Variants in MSRA observed in about 807,000 individuals in gnomAD.
The protein encoded by MSRA is mitochondrial peptide methionine sulfoxide reductase.
MSRA carries 54 observed loss-of-function variants against 31.3 expected under a neutral mutation model. The ratio of observed to expected loss-of-function variants is 1.73; its 90% CI spans 1.39 to 2.17. MSRA has a LOEUF of 2.17. Among genes scored for constraint, MSRA ranks in the 30% most tolerant of loss-of-function variants. MSRA has a pLI of 0.00. For synonymous variants in MSRA, 169 were observed against 116.5 expected (o/e 1.45, Z -2.90); for missense variants, 507 against 300.9 (o/e 1.69, Z -5.07).
At chr8:10,215,084 C>T (rs924180448) in intron 2 of MSRA, among the ~76,000 whole-genome samples, 1 of 152,108 alleles carries the variant, frequency 6.6e-6, no homozygotes, top group Admixed American at 6.5e-5. Context: ...TGGAGGATGG[C>T]ACAGAATCCA....
At chr8:10,099,933 C>T (rs1799423560) in intron 1 of MSRA, among the ~76,000 whole-genome samples, 3 of 152,146 alleles carry the variant, frequency 2.0e-5, no homozygotes, top group South Asian at 4.1e-4. Flanking sequence ...ATGCAGCAGG[C>T]CAGTGGAGTG....
At chr8:10,366,958 A>G (rs1585597888) in intron 5 of MSRA, among the ~76,000 whole-genome samples, 1 of 152,240 alleles carries the variant, frequency 6.6e-6, no homozygotes. Context: ...ATAATTAAGT[A>G]GTCTCCCCTT....
At chr8:10,080,504 T>G (rs1385252223) in intron 1 of MSRA, among the ~76,000 whole-genome samples, 1 of 152,022 alleles carries the variant, frequency 6.6e-6, no homozygotes, top group Non-Finnish European at 1.5e-5. Context: ...CAGTTCTGTG[T>G]CAGCCTGCAG....
chr8:10,124,663 G>C (rs982866891), intron 1 of MSRA, among the ~76,000 whole-genome samples: 3 of 152,186 alleles, frequency 2.0e-5, no homozygotes, highest in African/African-American at 7.2e-5. Flanking sequence ...TGCAATTATA[G>C]TATGCCTTGC....
At chr8:10,290,946 G>A (rs1173058522) in intron 3 of MSRA, among the ~76,000 whole-genome samples, 1 of 152,124 alleles carries the variant, frequency 6.6e-6, no homozygotes, top group African/African-American at 2.4e-5. Flanking sequence ...TAGAAAATGG[G>A]CACAGGTCCT....
At position 10,187,742 on chromosome 8, in the gene MSRA, G is replaced by T. The variant is rs540016683; in HGVS notation, c.143-20091G>T. Among the ~76,000 whole-genome samples, 3 of 152,280 alleles carry T rather than the reference G, an allele frequency of 2.0e-5. No homozygotes were observed. In the East Asian group the frequency reaches 5.8e-4, roughly 29 times the overall value. ...ATTAATCCTAGAAGGTCCTTTAAGT[G>T]TATTTGATAAACATCATGTTACCTG... On this transcript the variant is annotated intron_variant, in intron 1 of 5. Coordinates refer to ENST00000317173, the MANE Select transcript of MSRA (RefSeq NM_012331.5).
chr8:10,319,301 C>G (rs574946857), intron 4 of MSRA, among the ~76,000 whole-genome samples: 14 of 152,238 alleles, frequency 9.2e-5, no homozygotes, highest in African/African-American at 3.4e-4. Context: ...CTGTCACACT[C>G]AGATAGAAAC....
At chr8:10,286,225 A>T (rs1002528738) in intron 3 of MSRA, among the ~76,000 whole-genome samples, 1 of 152,126 alleles carries the variant, frequency 6.6e-6, no homozygotes, top group Non-Finnish European at 1.5e-5. Flanking sequence ...CCGTTTTTCA[A>T]CATTGATATG....
At chr8:10,335,194 G>A (rs570047272) in intron 5 of MSRA, among the ~76,000 whole-genome samples, 3 of 151,070 alleles carry the variant, frequency 2.0e-5, no homozygotes, top group Admixed American at 1.3e-4. Flanking sequence ...ACAAAAGCAA[G>A]GCTCATAAGG....
chr8:10,301,456 G>T lies in MSRA; in HGVS notation c.332-78G>T, dbSNP rs1585407450. The T allele has an allele frequency of 8.9e-6, 10 of 1,128,108 alleles. No homozygotes were observed. The East Asian group carries it at 1.9e-4, about 21-fold the overall frequency. The allele number at this position is 1,128,108 out of a possible 1,614,324, so 69.9% of individuals were successfully genotyped here. On this transcript the variant is annotated intron_variant, in intron 3 of 5. Transcript: ENST00000317173. Reference sequence around the variant, plus strand: ...GGTAGAGTTTCAGCTTTTGTCTGTTGTTTTTTTTGTGAACAAAAAACTTGC... The same window carrying T: ...GGTAGAGTTTCAGCTTTTGTCTGTTTTTTTTTTTGTGAACAAAAAACTTGC...
chr8:10,183,803 T>C (rs2129050892), intron 1 of MSRA, among the ~76,000 whole-genome samples: 1 of 150,912 alleles, frequency 6.6e-6, no homozygotes, highest in Non-Finnish European at 1.5e-5. Context: ...GTGGTGGTGG[T>C]GGTGGTGCTG....
chr8:10,166,449 A>G (rs1019868436), intron 1 of MSRA, among the ~76,000 whole-genome samples: 1 of 152,028 alleles, frequency 6.6e-6, no homozygotes, highest in African/African-American at 2.4e-5. Flanking sequence ...CATTTGTGTG[A>G]CTACATATGT....
rs558241241 is a variant in MSRA, at chr8:10,198,344, C to G, written c.143-9489C>G. Among the ~76,000 whole-genome samples the G allele has an allele frequency of 2.0e-5, 3 of 151,730 alleles. No homozygotes were observed. In the South Asian group the frequency reaches 6.3e-4, roughly 32 times the overall value. On this transcript the variant is annotated intron_variant, in intron 1 of 5. Coordinates refer to ENST00000317173, the MANE Select transcript of MSRA (RefSeq NM_012331.5). ...TTTTTTTGTTGTTCTTACTTTTTCC[C>G]CACTCAACTCCATATATATTATTAT...
At chr8:10,081,177 C>G (rs1277303736) in intron 1 of MSRA, among the ~76,000 whole-genome samples, 1 of 152,170 alleles carries the variant, frequency 6.6e-6, no homozygotes, top group Non-Finnish European at 1.5e-5. Flanking sequence ...GATCAGGAGG[C>G]ATCATATAAG....
intron 5 of MSRA, among the ~76,000 whole-genome samples, chr8:10,333,166 A>G (rs905673744): frequency 1.3e-5 from 2 of 152,194 alleles, no homozygotes; most frequent in African/African-American, 4.8e-5. Flanking sequence ...GTTTGAATGA[A>G]TGAATTCACA....
chr8:10,330,078 T>A (rs1357002322), intron 5 of MSRA, among the ~76,000 whole-genome samples: 2 of 148,174 alleles, frequency 1.3e-5, no homozygotes, highest in African/African-American at 2.5e-5. Flanking sequence ...GCAAGAGTGG[T>A]CTAGCACTCT....
At chr8:10,148,882 C>G (rs1451853166) in intron 1 of MSRA, among the ~76,000 whole-genome samples, 1 of 148,224 alleles carries the variant, frequency 6.7e-6, no homozygotes, top group African/African-American at 2.5e-5. Flanking sequence ...ACATGCAGAA[C>G]TGGAGAAGGT....
intron 3 of MSRA, among the ~76,000 whole-genome samples, chr8:10,268,753 T>G (rs1340036763): frequency 6.6e-6 from 1 of 152,250 alleles, no homozygotes; most frequent in Non-Finnish European, 1.5e-5. Context: ...TGAGCAGGGC[T>G]ACAGTCTGAT....
intron 4 of MSRA, among the ~76,000 whole-genome samples, chr8:10,313,130 T>A (rs975841505): frequency 6.6e-6 from 1 of 152,202 alleles, no homozygotes; most frequent in Non-Finnish European, 1.5e-5. Context: ...GTGACTGAGT[T>A]CTGGCCAGTG....
Sources: allele counts gnomAD v4.1 joint callset (sites outside exome capture counted in the v4.1 genomes callset), GRCh38; gene constraint gnomAD v4.1.1; transcripts MANE v1.5; gene names NCBI Gene and HGNC (gene_info 2026-07-23, HGNC 2026-07-21).